The following MED1 variants were observed in gnomAD, a reference collection of about 807,000 sequenced individuals.
MED1 encodes the protein mediator complex subunit 1.
In MED1, 17 loss-of-function variants were observed where a neutral mutation model predicts 121.3. The ratio of observed to expected loss-of-function variants is 0.14; its 90% CI spans 0.10 to 0.21. The LOEUF is 0.21. Among genes scored for constraint, MED1 ranks in the 10% least tolerant of loss-of-function variants. The probability of loss-of-function intolerance (pLI) is 1.00; values close to 1 mark genes in which losing one functional copy is unlikely to be tolerated. For synonymous variants in MED1, 661 were observed against 694.4 expected (o/e 0.95, Z 0.76); for missense variants, 1,558 against 1,919.4 (o/e 0.81, Z 3.52).
intron 16 of MED1, among the ~76,000 whole-genome samples, chr17:39,414,259 C>T (rs919582385): frequency 2.6e-5 from 4 of 151,452 alleles, no homozygotes; most frequent in South Asian, 4.2e-4. Context: ...ACTTTGAATC[C>T]GAAAGCAGAG....
At chr17:39,411,803 A>ATATAGTAATCCGTTAG (rs1225033494) in intron 16 of MED1, among the ~76,000 whole-genome samples, 3 of 152,108 alleles carry the variant, frequency 2.0e-5, no homozygotes, top group Admixed American at 1.3e-4. Context: ...TTTTGAGACC[A>ATATAGTAATCCGTTAG]GCCTGGCCAA....
chr17:39,434,534 G>T (rs1204056411), intron 6 of MED1, among the ~76,000 whole-genome samples: 1 of 152,128 alleles, frequency 6.6e-6, no homozygotes, highest in Non-Finnish European at 1.5e-5. Flanking sequence ...TTTTTCTGGA[G>T]AAGGTGCTAA....
chr17:39,425,357 AT>A (rs1485796931), intron 10 of MED1, among the ~76,000 whole-genome samples: 1 of 151,998 alleles, frequency 6.6e-6, no homozygotes, highest in Non-Finnish European at 1.5e-5. Flanking sequence ...TGCCTGGCTA[AT>A]TTTTTTGTAT....
chr17:39,425,424 C>A (rs1409529058), intron 10 of MED1, among the ~76,000 whole-genome samples: 1 of 152,120 alleles, frequency 6.6e-6, no homozygotes, highest in Non-Finnish European at 1.5e-5. Flanking sequence ...AAACTCCTGG[C>A]CTAAAGTTGA....
intron 6 of MED1, among the ~76,000 whole-genome samples, chr17:39,435,906 C>T (rs574182874): frequency 6.6e-6 from 1 of 151,936 alleles, no homozygotes; most frequent in African/African-American, 2.4e-5. Context: ...TTTCACCATG[C>T]CTGGATACTA....
Position 39,404,439 on chromosome 17 carries a change from T to C in MED1, c.*3036A>G, listed in dbSNP as rs1282287411. 6.6e-6 allele frequency: 1 copy of C among 152,078 alleles called. No individual in the cohort carries two copies. The highest frequency in any genetic ancestry group is 1.5e-5 in the Non-Finnish European group (1 of 67,990). 9.4% of individuals were successfully genotyped at this position (152,078 alleles called of 1,614,324 possible). ...CGGCCATATGCACAGAAAACCAAAT[T>C]TGAAAGATTTTTTTAAAAAAAGACC... On this transcript the variant is annotated 3_prime_UTR_variant, in exon 17 of 17. Transcript: ENST00000300651.
At position 39,407,614 on chromosome 17, in the gene MED1, G is replaced by A; in HGVS notation, c.4607C>T (p.Ser1536Leu). 1 of 1,614,134 alleles carries A rather than the reference G, an allele frequency of 6.2e-7. No individual in the cohort carries two copies. The highest frequency in any genetic ancestry group is 8.5e-7 in the Non-Finnish European group (1 of 1,180,034). Residue 1536 changes from serine (S) to leucine (L), a missense_variant, in exon 17 of 17, where the codon TCA (serine) becomes TTA (leucine). By Grantham distance (145) the Ser-to-Leu change is moderately radical. Coordinates refer to ENST00000300651, the MANE Select transcript of MED1 (RefSeq NM_004774.4). ...HSIKPESWSK[S>L]PISSDQSLSM... ...CAAGGACTGGTCTGAAGAGATGGGT[G>A]ATTTGGACCAACTCTCTGGCTTGAT...
At chr17:39,424,797 G>T in intron 10 of MED1, 59 bp from the exon 11 acceptor site, 1 of 1,043,264 alleles carries the variant, frequency 9.6e-7, no homozygotes, top group Non-Finnish European at 1.5e-6. Context: ...GGGAATCACA[G>T]TATGTTTTAA....
chr17:39,416,261 C>T (rs1457292070), intron 14 of MED1, among the ~76,000 whole-genome samples: 1 of 152,062 alleles, frequency 6.6e-6, no homozygotes, highest in Non-Finnish European at 1.5e-5. Flanking sequence ...TAAAAGTGGC[C>T]GAGTGTCTCA....
intron 6 of MED1, among the ~76,000 whole-genome samples, chr17:39,437,621 A>AT (rs2048632431): frequency 6.7e-6 from 1 of 150,094 alleles, no homozygotes; most frequent in African/African-American, 2.5e-5. Flanking sequence ...AATCAAAATA[A>AT]GAAAAAAAAA....
chr17:39,451,103 A>C lies in MED1; in HGVS notation c.-41T>G. Reference sequence around the variant, plus strand: ...AAGCTAGATCCGCCACAAAAGGATAAGCCCTTCCCCACCACTAACGGAGGA... The same window carrying C: ...AAGCTAGATCCGCCACAAAAGGATACGCCCTTCCCCACCACTAACGGAGGA... On this transcript the variant is annotated 5_prime_UTR_variant, in exon 1 of 17. Coordinates refer to ENST00000300651, the MANE Select transcript of MED1 (RefSeq NM_004774.4). The C allele has an allele frequency of 6.2e-7, 1 of 1,606,044 alleles. No individual in the cohort carries two copies. The highest frequency in any genetic ancestry group is 8.5e-7 in the Non-Finnish European group (1 of 1,176,292).
At chr17:39,426,376 G>A (rs2048515296) in intron 10 of MED1, among the ~76,000 whole-genome samples, 1 of 151,998 alleles carries the variant, frequency 6.6e-6, no homozygotes, top group South Asian at 2.1e-4. Context: ...GAACCCAGGA[G>A]GTGTAGGTTG....
chr17:39,410,181 T>C lies in MED1; in HGVS notation c.2040A>G (p.Ile680Met), dbSNP rs1311203608. The C allele has an allele frequency of 2.5e-6, 4 of 1,614,060 alleles. No individual in the cohort carries two copies. The highest frequency in any genetic ancestry group is 2.5e-6 in the Non-Finnish European group (3 of 1,180,044). Reference sequence around the variant, plus strand: ...TCTTGGTCTTGTTGCTCCCCGAGCATATTTCCATGCGGGGTGAGCCGGAAG... The same window carrying C: ...TCTTGGTCTTGTTGCTCCCCGAGCACATTTCCATGCGGGGTGAGCCGGAAG... ...NSSSGSPRME[I>M]CSGSNKTKKK... The change falls in exon 17 of 17, where the codon ATA (isoleucine) becomes ATG (methionine). Residue 680 changes from isoleucine (I) to methionine (M), a missense_variant. Ile to Met is a conservative substitution (Grantham distance 10). Transcript: ENST00000300651.
intron 8 of MED1, among the ~76,000 whole-genome samples, 156 bp downstream of exon 8, chr17:39,431,786 C>T (rs1023437829): frequency 7.9e-5 from 12 of 152,006 alleles, no homozygotes; most frequent in South Asian, 4.1e-4. Context: ...AACAACTTAG[C>T]GATACTGATA....
intron 7 of MED1, 95 bp downstream of exon 7, chr17:39,434,154 A>C: frequency 1.3e-6 from 1 of 767,552 alleles, no homozygotes; most frequent in Non-Finnish European, 2.1e-6. Flanking sequence ...AGGAGTGACA[A>C]ACAGCAGAAG....
At position 39,409,770 on chromosome 17, in the gene MED1, C is replaced by A; in HGVS notation, c.2451G>T (p.Gln817His). The change falls in exon 17 of 17, where the codon CAG becomes CAT. Residue 817 changes from glutamine (Q) to histidine (H), a missense_variant. Physicochemically the swap from Gln to His is conservative, Grantham distance 24. Transcript: ENST00000300651. ...AGACATCAGAGTCAAACAGGGTACT[C>A]TGAGAATGCCCAGAGCTTGAAGAAT... ...LRDSSSSGHS[Q>H]STLFDSDVFQ... The A allele has an allele frequency of 6.2e-7, 1 of 1,614,170 alleles. No homozygotes were observed. Among genetic ancestry groups the A allele is most frequent in the Non-Finnish European group, 8.5e-7 (1 of 1,180,026 alleles).
intron 7 of MED1, among the ~76,000 whole-genome samples, chr17:39,433,474 A>G (rs2048587217): frequency 6.6e-6 from 1 of 151,614 alleles, no homozygotes; most frequent in Non-Finnish European, 1.5e-5. Context: ...TAAAGGAGTG[A>G]GCCACTGTGC....
intron 14 of MED1, 96 bp downstream of exon 14, chr17:39,419,621 A>T: frequency 7.8e-7 from 1 of 1,279,292 alleles, no homozygotes. Context: ...AACTTTTTTT[A>T]AGTTCTACAG....
At chr17:39,412,206 A>C (rs1475879227) in intron 16 of MED1, among the ~76,000 whole-genome samples, 1 of 150,922 alleles carries the variant, frequency 6.6e-6, no homozygotes, top group African/African-American at 2.4e-5. Flanking sequence ...GCTCTAGAAC[A>C]TATGTCAGCA....
Sources: allele counts gnomAD v4.1 joint callset (sites outside exome capture counted in the v4.1 genomes callset), GRCh38; gene constraint gnomAD v4.1.1; transcripts MANE v1.5; gene names NCBI Gene and HGNC (gene_info 2026-07-23, HGNC 2026-07-21).